USF3: variants seen among roughly 807,000 people sequenced by gnomAD.
The protein encoded by USF3 is upstream transcription factor family member 3.
Under a neutral mutation model 157.5 loss-of-function variants are expected in USF3, and 29 were observed. That is an observed-to-expected ratio of 0.18 (90% CI 0.14 to 0.25). USF3 has a LOEUF of 0.25. Ranked by LOEUF, USF3 falls within the 10% of genes least tolerant of loss-of-function variation. USF3 has a pLI of 1.00. For missense variants in USF3, 2,381 were observed against 2,667.6 expected (o/e 0.89, Z 2.37); for synonymous variants, 893 against 941.4 (o/e 0.95, Z 0.94).
rs774250066 is a variant in USF3 at position 113,654,890 on chromosome 3, G to A, written c.*54C>T. The A allele has an allele frequency of 4.3e-5, 67 of 1,541,840 alleles. No individual in the cohort carries two copies. Among genetic ancestry groups the A allele is most frequent in the South Asian group, 8.8e-5 (7 of 79,946 alleles). On this transcript the variant is annotated 3_prime_UTR_variant, in exon 7 of 7. Transcript: ENST00000316407. ...CATGTACATGTCTGTGCACATGCAC[G>A]CACAAATACATTTGTAATCTCACTC...
chr3:113,671,985 G>T (rs961031927), intron 4 of USF3, among the ~76,000 whole-genome samples: 23 of 151,350 alleles, frequency 1.5e-4, no homozygotes, highest in Non-Finnish European at 2.8e-4. Flanking sequence ...TGCCCACGCT[G>T]GTTTTGAACT....
intron 4 of USF3, among the ~76,000 whole-genome samples, chr3:113,672,312 G>C (rs1230053938): frequency 6.6e-6 from 1 of 151,710 alleles, no homozygotes; most frequent in African/African-American, 2.4e-5. Context: ...TTTTAGAAGA[G>C]ATGGGGTTTC....
chr3:113,671,765 C>CT (rs10686146), intron 4 of USF3, among the ~76,000 whole-genome samples: 4,672 of 113,108 alleles, frequency 0.041, 206 homozygotes, highest in East Asian at 0.099. Context: ...TTTCTTCTTC[C>CT]TTTTTTTTTT....
intron 1 of USF3, among the ~76,000 whole-genome samples, chr3:113,695,298 T>C (rs923934404): frequency 3.3e-5 from 5 of 152,236 alleles, no homozygotes; most frequent in African/African-American, 9.6e-5. Flanking sequence ...ACAGCAACTC[T>C]GTACTATGTT....
Position 113,658,954 on chromosome 3 carries a change from T to C in USF3, c.2728A>G (p.Lys910Glu). 6.2e-7 allele frequency: 1 copy of C among 1,614,196 alleles called. No individual in the cohort carries two copies. The highest frequency in any genetic ancestry group is 1.3e-5 in the African/African-American group (1 of 75,062). Residue 910 changes from lysine (K) to glutamate (E), a missense_variant, in exon 7 of 7, where the codon AAA (lysine) becomes GAA (glutamate). By Grantham distance (56) the Lys-to-Glu change is moderately conservative. Around this residue, in one of 6 missense-constraint regions of USF3, gnomAD observed 1,435 missense variants for 1,550.9 expected, o/e 0.93. Transcript: ENST00000316407. ...TGTTGTAGATTAGGGGTAGAATCTT[T>C]GGATTTTGCTGCGGCCATTGCAAAA... ...EHFAMAAAKS[K>E]DSTPNLQQET...
intron 4 of USF3, among the ~76,000 whole-genome samples, chr3:113,670,596 T>C (rs1559716713): frequency 6.6e-6 from 1 of 150,380 alleles, no homozygotes; most frequent in Non-Finnish European, 1.5e-5. Flanking sequence ...CGAGACTCTG[T>C]CTGAAAATAA....
chr3:113,676,978 G>C (rs568797590), intron 2 of USF3, among the ~76,000 whole-genome samples: 132 of 152,284 alleles, frequency 8.7e-4, no homozygotes, highest in South Asian at 5.0e-3. Flanking sequence ...ATAAATGTTA[G>C]CTTTAAATGT....
chr3:113,673,056 G>C (rs1707195709), intron 4 of USF3, among the ~76,000 whole-genome samples: 1 of 152,054 alleles, frequency 6.6e-6, no homozygotes, highest in African/African-American at 2.4e-5. Context: ...ATACTATCTA[G>C]GAGAATAATA....
intron 5 of USF3, 43 bp from the exon 6 acceptor site, chr3:113,664,452 G>A (rs374769323): frequency 2.9e-6 from 3 of 1,038,300 alleles, no homozygotes; most frequent in Non-Finnish European, 4.4e-6. Flanking sequence ...TCACTGAAGG[G>A]TAAGAACTTG....
Position 113,655,984 on chromosome 3 carries a change from A to T in USF3, c.5698T>A (p.Ser1900Thr), listed in dbSNP as rs199758223. The T allele has an allele frequency of 3.4e-4, 546 of 1,614,228 alleles. No individual in the cohort carries two copies. The highest frequency in any genetic ancestry group is 4.3e-4 in the Non-Finnish European group (513 of 1,180,028). The change falls in exon 7 of 7, where the codon TCC (serine) becomes ACC (threonine). Residue 1900 changes from serine (S) to threonine (T), a missense_variant. This residue lies in a region of USF3 where 770 missense variants were observed against 824.2 expected (regional missense o/e 0.93). Transcript: ENST00000316407. ...CCTTGAATATCTCCTGAGGAAGAGG[A>T]ACTTGAAAAAGGAATATTCAAGGTG... ...NSTLNIPFSSSSSSGDIQGRN... is the reference protein window; with the variant it reads ...NSTLNIPFSSTSSSGDIQGRN...
intron 5 of USF3, among the ~76,000 whole-genome samples, chr3:113,668,400 C>T (rs1408081264): frequency 6.6e-6 from 1 of 151,722 alleles, no homozygotes. Context: ...ACCAGTCCCA[C>T]TCCCAGGCAG....
At position 113,649,610 on chromosome 3, in the gene USF3, T is replaced by G; in HGVS notation, c.*5334A>C. ...TGTACTTGTCGAGAAGGTGTCTGATTACACAGCGTGTACCATCCCAGCTGG... is the reference window on the plus strand; with the variant it reads ...TGTACTTGTCGAGAAGGTGTCTGATGACACAGCGTGTACCATCCCAGCTGG... On this transcript the variant is annotated 3_prime_UTR_variant, in exon 7 of 7. Transcript: ENST00000316407. 2 of 411,632 alleles carry G rather than the reference T, an allele frequency of 4.9e-6. No individual in the cohort carries two copies. Among genetic ancestry groups the G allele is most frequent in the Non-Finnish European group, 8.6e-6 (2 of 233,714 alleles). The allele number at this position is 411,632 out of a possible 1,614,324, so 25.5% of individuals were successfully genotyped here. A position where few individuals can be genotyped will look rare whatever the true frequency, so the allele number is the denominator to read the frequency against.
chr3:113,688,899 C>T (rs1390025467), intron 1 of USF3, among the ~76,000 whole-genome samples: 4 of 152,128 alleles, frequency 2.6e-5, no homozygotes, highest in East Asian at 1.9e-4. Context: ...GGCGTGGTGG[C>T]GGGAGCCTGT....
In USF3 at chr3:113,653,617, A is replaced by AC. The variant is rs1311985273; in HGVS notation, c.*1326_*1327insG. 7 of 151,840 alleles carry AC rather than the reference A, an allele frequency of 4.6e-5. No individual in the cohort carries two copies. Among genetic ancestry groups the AC allele is most frequent in the African/African-American group, 7.3e-5 (3 of 41,300 alleles). The allele number at this position is 151,840 out of a possible 1,614,324, so 9.4% of individuals were successfully genotyped here. A position where few individuals can be genotyped will look rare whatever the true frequency, so the allele number is the denominator to read the frequency against. ...GACTCCATCTATTAAAAAAAAAAAA[A>AC]AAAAAAAAACCCTACCTATATCAAG... is the stretch of plus-strand genomic sequence containing the variant. On this transcript the variant is annotated 3_prime_UTR_variant, in exon 7 of 7. Coordinates refer to ENST00000316407, the MANE Select transcript of USF3 (RefSeq NM_001009899.4).
At position 113,650,527 on chromosome 3, in the gene USF3, T is replaced by C. The variant is rs777227101; in HGVS notation, c.*4417A>G. The stretch of plus-strand genomic sequence containing the variant: ...GAGCAGATGGAAGAGCATAAGTGCC[T>C]ACCTATCAAAGGGAAGATAAAGCTA... On this transcript the variant is annotated 3_prime_UTR_variant, in exon 7 of 7. Transcript: ENST00000316407. 1 of 152,164 alleles carries C rather than the reference T, an allele frequency of 6.6e-6. No homozygotes were observed. The highest frequency in any genetic ancestry group is 1.5e-5 in the Non-Finnish European group (1 of 68,032). The allele number at this position is 152,164 out of a possible 1,614,324, so 9.4% of individuals were successfully genotyped here.
chr3:113,664,750 T>C (rs930305176), intron 5 of USF3, among the ~76,000 whole-genome samples: 3 of 152,150 alleles, frequency 2.0e-5, no homozygotes, highest in Admixed American at 1.3e-4. Flanking sequence ...GGTTACTTTG[T>C]GCAAAGGACT....
Position 113,666,293 on chromosome 3 carries a change from C to T in USF3, c.160-1884G>A, listed in dbSNP as rs530384702. Among the ~76,000 whole-genome samples, 23 of 139,230 alleles carry T rather than the reference C, an allele frequency of 1.7e-4. 2 individuals carry two copies. The highest frequency in any genetic ancestry group is 7.2e-4 in the South Asian group (3 of 4,186). The allele number at this position is 139,230 out of a possible 152,430, so 91.3% of individuals were successfully genotyped here. A position where few individuals can be genotyped will look rare whatever the true frequency, so the allele number is the denominator to read the frequency against. On this transcript the variant is annotated intron_variant, in intron 5 of 6. Transcript: ENST00000316407. ...TTGAGACAGAGTCTTGCTCTGTGGCCGAGGCTGGAGTGCAGTGGCGCAATC... is the reference window on the plus strand; with the variant it reads ...TTGAGACAGAGTCTTGCTCTGTGGCTGAGGCTGGAGTGCAGTGGCGCAATC...
rs757643930 is a variant in USF3, at chr3:113,656,718, C to T, written c.4964G>A (p.Cys1655Tyr). The change falls in exon 7 of 7, where the codon TGT becomes TAT. Residue 1655 changes from cysteine to tyrosine, a missense_variant. By Grantham distance (194) the Cys-to-Tyr change is radical (BLOSUM62 -2). This residue lies in a region of USF3 where 770 missense variants were observed against 824.2 expected (regional missense o/e 0.93). Transcript: ENST00000316407. ...ATTTCTCTCTGGCCTGTGTGGAGTACAGGTCATGTCTGAAGATCTAGTCAC... is the reference window on the plus strand; with the variant it reads ...ATTTCTCTCTGGCCTGTGTGGAGTATAGGTCATGTCTGAAGATCTAGTCAC... The part of the protein sequence containing the change: ...SIVTRSSDMT[C>Y]TPHRPERNRV... 60 of 1,614,024 alleles carry T rather than the reference C, an allele frequency of 3.7e-5. No homozygotes were observed. The South Asian group carries it at 5.0e-4, about 14-fold the overall frequency.
At position 113,649,521 on chromosome 3, in the gene USF3, T is replaced by C; in HGVS notation, c.*5423A>G. 1 of 283,126 alleles carries C rather than the reference T, an allele frequency of 3.5e-6. No homozygotes were observed. Among genetic ancestry groups the C allele is most frequent in the Non-Finnish European group, 6.5e-6 (1 of 153,606 alleles). 17.5% of individuals were successfully genotyped at this position (283,126 alleles called of 1,614,324 possible). On this transcript the variant is annotated 3_prime_UTR_variant, in exon 7 of 7. Transcript: ENST00000316407. The stretch of plus-strand genomic sequence containing the variant: ...TAGGTTTTTTTTTTGTTTTTTGTTT[T>C]TTTTTACAAATCAACATCAAAGATG...
Sources: allele counts gnomAD v4.1 joint callset (sites outside exome capture counted in the v4.1 genomes callset), GRCh38; gene constraint gnomAD v4.1.1; regional missense constraint gnomAD v4.1.1; transcripts MANE v1.5; gene names NCBI Gene and HGNC (gene_info 2026-07-23, HGNC 2026-07-21).